NALF1: variants seen among roughly 807,000 people sequenced by gnomAD.
NALF1 encodes the protein NALCN channel auxiliary factor 1.
NALF1 carries 3 observed loss-of-function variants against 48.4 expected under a neutral mutation model. That is an observed-to-expected ratio of 0.06 (90% CI 0.03 to 0.16). The LOEUF (loss-of-function observed/expected upper bound fraction) is 0.16. Ranked by LOEUF, NALF1 falls within the 10% of genes least tolerant of loss-of-function variation. The pLI is 1.00. For missense variants in NALF1, 526 were observed against 571.5 expected (o/e 0.92, Z 0.81); for synonymous variants, 262 against 245.7 (o/e 1.07, Z -0.62).
chr13:107,177,704 G>T (rs1878966339), intron 2 of NALF1, among the ~76,000 whole-genome samples: 1 of 152,194 alleles, frequency 6.6e-6, no homozygotes, highest in South Asian at 2.1e-4. Flanking sequence ...GCAGAAGAAT[G>T]AAACTAGACT....
intron 1 of NALF1, among the ~76,000 whole-genome samples, chr13:107,802,761 A>G (rs993820264): frequency 6.6e-6 from 1 of 152,190 alleles, no homozygotes; most frequent in Non-Finnish European, 1.5e-5. Flanking sequence ...TGAACGAATA[A>G]ATAAAAATTG....
At chr13:107,581,873 C>T (rs757158751) in intron 1 of NALF1, among the ~76,000 whole-genome samples, 4 of 152,150 alleles carry the variant, frequency 2.6e-5, no homozygotes, top group Non-Finnish European at 5.9e-5. Context: ...TCTCACCTAT[C>T]GTCTTACACA....
At chr13:107,346,176 G>A (rs1013382363) in intron 1 of NALF1, among the ~76,000 whole-genome samples, 4 of 151,764 alleles carry the variant, frequency 2.6e-5, no homozygotes, top group African/African-American at 9.7e-5. Context: ...GGGGCGGGGG[G>A]GCAGATTGTA....
intron 1 of NALF1, among the ~76,000 whole-genome samples, chr13:107,719,649 C>G (rs976970642): frequency 2.0e-5 from 3 of 152,152 alleles, no homozygotes; most frequent in Admixed American, 2.0e-4. Context: ...CTATTAATCA[C>G]TGTGCCTGTC....
In NALF1 at chr13:107,204,558, G is replaced by T. The variant is rs1879595068; in HGVS notation, c.1087+6026C>A. Among the ~76,000 whole-genome samples the T allele has an allele frequency of 2.0e-5, 3 of 152,092 alleles. No homozygotes were observed. In the South Asian group the frequency reaches 6.2e-4, roughly 31 times the overall value. The stretch of plus-strand genomic sequence containing the variant: ...ACCTGCTGGGATCTTTATGAATATA[G>T]AATTCAGAAAAAGTAATCTTAAGTA... On this transcript the variant is annotated intron_variant, in intron 2 of 2. Transcript: ENST00000375915.
chr13:107,777,462 G>C (rs933375187), intron 1 of NALF1, among the ~76,000 whole-genome samples: 3 of 152,182 alleles, frequency 2.0e-5, no homozygotes, highest in Admixed American at 6.5e-5. Context: ...TTTGGATCAC[G>C]GGGGCAGATC....
chr13:107,398,309 T>C (rs576530926), intron 1 of NALF1, among the ~76,000 whole-genome samples: 4 of 152,172 alleles, frequency 2.6e-5, no homozygotes, highest in African/African-American at 9.6e-5. Flanking sequence ...GAAAAAAGAT[T>C]TTCCCTTAAC....
intron 1 of NALF1, among the ~76,000 whole-genome samples, chr13:107,588,373 C>G (rs965253416): frequency 6.6e-6 from 1 of 152,070 alleles, no homozygotes; most frequent in African/African-American, 2.4e-5. Context: ...AGAAATGAGA[C>G]TGTGACAACT....
chr13:107,182,462 TG>T (rs1472199480), intron 2 of NALF1, among the ~76,000 whole-genome samples: 1 of 151,940 alleles, frequency 6.6e-6, no homozygotes, highest in South Asian at 2.1e-4. Flanking sequence ...TTTGTAGAAG[TG>T]GGGTCTACGT....
rs1412085384 is a variant in NALF1, at chr13:107,234,468, A to G, written c.916-23713T>C. Reference sequence around the variant, plus strand: ...TGTTCTCTGCTTTAATGAGGATGCCATTTTTATAAACATCAAAGACAGGCG... The same window carrying G: ...TGTTCTCTGCTTTAATGAGGATGCCGTTTTTATAAACATCAAAGACAGGCG... On this transcript the variant is annotated intron_variant, in intron 1 of 2. Transcript: ENST00000375915. Among the ~76,000 whole-genome samples, 7 of 152,140 alleles carry G rather than the reference A, an allele frequency of 4.6e-5. No individual in the cohort carries two copies. In the East Asian group the frequency reaches 1.2e-3, roughly 25 times the overall value.
chr13:107,264,651 T>G (rs1211139932), intron 1 of NALF1, among the ~76,000 whole-genome samples: 1 of 152,250 alleles, frequency 6.6e-6, no homozygotes. Context: ...GAACAACTAT[T>G]AATAGTTTGA....
intron 1 of NALF1, among the ~76,000 whole-genome samples, chr13:107,740,393 T>A (rs1876598508): frequency 6.6e-6 from 1 of 152,208 alleles, no homozygotes; most frequent in Non-Finnish European, 1.5e-5. Context: ...ATTATATCTG[T>A]CCTCTTTATC....
chr13:107,695,074 T>C (rs934650526), intron 1 of NALF1, among the ~76,000 whole-genome samples: 1 of 152,170 alleles, frequency 6.6e-6, no homozygotes, highest in Non-Finnish European at 1.5e-5. Context: ...ATGATGGACG[T>C]GAACCACCAC....
intron 1 of NALF1, among the ~76,000 whole-genome samples, chr13:107,236,970 G>A (rs1281097876): frequency 6.6e-6 from 1 of 152,012 alleles, no homozygotes; most frequent in African/African-American, 2.4e-5. Context: ...GAGGATGTAT[G>A]TAGGTTATAT....
At position 107,747,753 on chromosome 13, in the gene NALF1, TTTTG is replaced by T. The variant is rs368104505; in HGVS notation, c.915+117925_915+117928del. Among the ~76,000 whole-genome samples the T allele has an allele frequency of 1.4e-3, 215 of 152,318 alleles. 1 individual carries two copies. The highest frequency in any genetic ancestry group is 6.8e-3 in the Middle Eastern group (2 of 294). ...ATTTACTCAAGAAAGGATCTGGGCTTTTTGTTTGTTTGTTTGTTTTTAATCAAAG... is the reference window on the plus strand; with the variant it reads ...ATTTACTCAAGAAAGGATCTGGGCTTTTTGTTTGTTTGTTTTTAATCAAAG... On this transcript the variant is annotated intron_variant, in intron 1 of 2. Transcript: ENST00000375915.
intron 1 of NALF1, among the ~76,000 whole-genome samples, chr13:107,838,932 GTTC>G (rs1487587062): frequency 1.3e-5 from 2 of 152,082 alleles, no homozygotes; most frequent in African/African-American, 2.4e-5. Flanking sequence ...AGGATTAACA[GTTC>G]TTCTTCACAG....
intron 1 of NALF1, among the ~76,000 whole-genome samples, chr13:107,685,089 C>T (rs1476387667): frequency 2.6e-5 from 4 of 152,086 alleles, no homozygotes; most frequent in South Asian, 2.1e-4. Context: ...CCAAGGCAGG[C>T]GGATCAGGAG....
intron 1 of NALF1, among the ~76,000 whole-genome samples, chr13:107,787,181 A>T (rs527353494): frequency 3.9e-5 from 6 of 152,228 alleles, no homozygotes; most frequent in Non-Finnish European, 8.8e-5. Flanking sequence ...AAGATTTAAG[A>T]AAATACTTTT....
chr13:107,728,047 G>A (rs1396689219), intron 1 of NALF1, among the ~76,000 whole-genome samples: 2 of 152,212 alleles, frequency 1.3e-5, no homozygotes, highest in African/African-American at 4.8e-5. Context: ...AGATGCTGGA[G>A]AGGATGTGGA....
Sources: allele counts gnomAD v4.1 joint callset (sites outside exome capture counted in the v4.1 genomes callset), GRCh38; gene constraint gnomAD v4.1.1; transcripts MANE v1.5; gene names NCBI Gene and HGNC (gene_info 2026-07-23, HGNC 2026-07-21).